The following ABCF1 variants were observed in gnomAD, a reference collection of about 807,000 sequenced individuals.
ABCF1 encodes the protein ATP binding cassette subfamily F member 1, also known as ATP-binding cassette sub-family F member 1.
Under a neutral mutation model 126.3 loss-of-function variants are expected in ABCF1, and 73 were observed. That is an observed-to-expected ratio of 0.58 (90% CI 0.48 to 0.70). The LOEUF is 0.70. Ranked by LOEUF, ABCF1 falls within the 30% of genes least tolerant of loss-of-function variation. The pLI, the probability that ABCF1 is intolerant of heterozygous loss-of-function variation, is 0.00. For missense variants in ABCF1, 786 were observed against 1,057.5 expected, an observed-to-expected ratio of 0.74 and a Z score of 3.56; for synonymous variants, 345 against 396.4, an observed-to-expected ratio of 0.87 and a Z score of 1.54.
rs1023850137 is a variant in ABCF1, at chr6:30,574,601, A to G, written c.74-2808A>G. 6.6e-5 allele frequency among the ~76,000 whole-genome samples: 10 copies of G among 152,224 alleles called. No individual in the cohort carries two copies. Among genetic ancestry groups the G allele is most frequent in the African/African-American group, 2.2e-4 (9 of 41,460 alleles). On this transcript the variant is annotated intron_variant, in intron 1 of 24. Transcript: ENST00000326195. This position sits in a 1 kb window ranked among gnomAD's most constrained non-coding sequence, Gnocchi z 4.3. ...CTTCCTCCTAATGCCTTTAGGATTA[A>G]ACTCCTTGGAATAGCATATAAAGCC...
chr6:30,590,285 C>T (rs1269435521), intron 23 of ABCF1, 21 bp from the exon 24 acceptor site: 2 of 1,611,938 alleles, frequency 1.2e-6, no homozygotes, highest in Admixed American at 1.7e-5. Flanking sequence ...AGTGCTCAGT[C>T]ATGGAATTCC....
rs1267500265 is a variant in ABCF1 at position 30,574,457 on chromosome 6, G to A, written c.73+2897G>A. 6.6e-6 allele frequency among the ~76,000 whole-genome samples: 1 copy of A among 152,144 alleles called. No individual in the cohort carries two copies. The highest frequency in any genetic ancestry group is 1.5e-5 in the Non-Finnish European group (1 of 68,024). On this transcript the variant is annotated intron_variant, in intron 1 of 24. Transcript: ENST00000326195. This position sits in a 1 kb window ranked among gnomAD's most constrained non-coding sequence, Gnocchi z 4.3. The stretch of plus-strand genomic sequence containing the variant: ...TGGCCACAAAAGAGATTTAAAGGAA[G>A]GAGAGATGGTATGGCTGTGTTAGTC...
Position 30,585,542 on chromosome 6 carries a change from G to T in ABCF1, c.1476-16G>T, listed in dbSNP as rs769306727. On this transcript the variant is annotated splice_polypyrimidine_tract_variant and intron_variant, in intron 15 of 24. Transcript: ENST00000326195. Reference sequence around the variant, plus strand: ...TTGACCACTGTGACACTTACACCCTGTTCTCTGAAACCCAGCTACCTCCAG... The same window carrying T: ...TTGACCACTGTGACACTTACACCCTTTTCTCTGAAACCCAGCTACCTCCAG... 1 of 1,612,724 alleles carries T rather than the reference G, an allele frequency of 6.2e-7. No homozygotes were observed. The highest frequency in any genetic ancestry group is 8.5e-7 in the Non-Finnish European group (1 of 1,179,976).
chr6:30,580,059 C>T (rs1801727270), intron 7 of ABCF1, 54 bp downstream of exon 7: 2 of 1,581,540 alleles, frequency 1.3e-6, no homozygotes, highest in East Asian at 2.3e-5. Flanking sequence ...TAAAACATTT[C>T]ATCAGGGCTG....
Position 30,584,355 on chromosome 6 carries a change from A to G in ABCF1, c.1242+24A>G. ...AGGTAGAGGAGATGGCGCAGGGGAC[A>G]CGGGCAAAGACTTGGGGGTTCCTGG... On this transcript the variant is annotated intron_variant, in intron 13 of 24. Coordinates refer to ENST00000326195, the MANE Select transcript of ABCF1 (RefSeq NM_001025091.2). This position sits in a 1 kb window ranked among gnomAD's most constrained non-coding sequence, Gnocchi z 4.6. The G allele has an allele frequency of 1.2e-6, 2 of 1,613,084 alleles. No homozygotes were observed. Among genetic ancestry groups the G allele is most frequent in the South Asian group, 1.1e-5 (1 of 91,082 alleles).
intron 1 of ABCF1, among the ~76,000 whole-genome samples, chr6:30,577,145 T>C (rs1582572843): frequency 6.6e-6 from 1 of 152,314 alleles, no homozygotes; most frequent in East Asian, 1.9e-4. Context: ...GAGACCACAT[T>C]TGTCTTGTTC....
At chr6:30,572,697 G>A (rs974386389) in intron 1 of ABCF1, among the ~76,000 whole-genome samples, 7 of 152,068 alleles carry the variant, frequency 4.6e-5, no homozygotes, top group African/African-American at 1.7e-4. Context: ...CACAAGATCT[G>A]GCTATGTTGC....
At chr6:30,582,643 T>G (rs1013692693) in intron 9 of ABCF1, 136 bp downstream of exon 9, 1 of 947,354 alleles carries the variant, frequency 1.1e-6, no homozygotes, top group Non-Finnish European at 1.6e-6. Flanking sequence ...AATAATTGTG[T>G]TCTGTGAACC....
chr6:30,576,006 T>A (rs1801477039), intron 1 of ABCF1, among the ~76,000 whole-genome samples: 1 of 150,562 alleles, frequency 6.6e-6, no homozygotes, highest in Admixed American at 6.6e-5. Flanking sequence ...CCTAGGAATT[T>A]AAGGTTACAG....
Position 30,587,938 on chromosome 6 carries a change from T to C in ABCF1, c.2031+1227T>C, listed in dbSNP as rs1172067181. Among the ~76,000 whole-genome samples the C allele has an allele frequency of 2.6e-5, 4 of 151,696 alleles. No individual in the cohort carries two copies. In the East Asian group the frequency reaches 7.8e-4, roughly 29 times the overall value. Reference sequence around the variant, plus strand: ...ATTTTGTTTTGAGACGGAGTCTCACTGTCGCCCAGCCTGGAGTGCAGTGGT... The same window carrying C: ...ATTTTGTTTTGAGACGGAGTCTCACCGTCGCCCAGCCTGGAGTGCAGTGGT... On this transcript the variant is annotated intron_variant, in intron 20 of 24. Transcript: ENST00000326195.
chr6:30,578,293 G>T, intron 4 of ABCF1, 55 bp from the exon 5 acceptor site: 1 of 1,613,740 alleles, frequency 6.2e-7, no homozygotes, highest in African/African-American at 1.3e-5. Flanking sequence ...GATTCAATTG[G>T]GGGGCCAGAC....
Position 30,571,456 on chromosome 6 carries a change from G to A in ABCF1, c.-32G>A, listed in dbSNP as rs374538729. The A allele has an allele frequency of 1.2e-4, 188 of 1,593,664 alleles. No individual in the cohort carries two copies. The highest frequency in any genetic ancestry group is 1.6e-4 in the Non-Finnish European group (185 of 1,170,792). On this transcript the variant is annotated 5_prime_UTR_variant, in exon 1 of 25. Transcript: ENST00000326195. ...CCGCCGGAAGCGGAAATAGCACCGG[G>A]CGCCGCCACAGTAGCTGTAACTGCC... is the stretch of plus-strand genomic sequence containing the variant.
chr6:30,583,534 C>T lies in ABCF1; in HGVS notation c.916-74C>T. 2 of 1,487,410 alleles carry T rather than the reference C, an allele frequency of 1.3e-6. No homozygotes were observed. Among genetic ancestry groups the T allele is most frequent in the Non-Finnish European group, 1.9e-6 (2 of 1,070,220 alleles). The allele number at this position is 1,487,410 out of a possible 1,614,324, so 92.1% of individuals were successfully genotyped here. On this transcript the variant is annotated intron_variant, in intron 10 of 24. Transcript: ENST00000326195. This position sits in a 1 kb window ranked among gnomAD's most constrained non-coding sequence, Gnocchi z 4.1. ...AGGCTTCCCTGCAGGGAGAAAGTGGCCGCTCCTGTCCCAAAGGGAGAATTT... is the reference window on the plus strand; with the variant it reads ...AGGCTTCCCTGCAGGGAGAAAGTGGTCGCTCCTGTCCCAAAGGGAGAATTT...
At chr6:30,573,121 C>T (rs1294329351) in intron 1 of ABCF1, among the ~76,000 whole-genome samples, 2 of 152,048 alleles carry the variant, frequency 1.3e-5, no homozygotes, top group Non-Finnish European at 2.9e-5. Context: ...GGCGGGGAGA[C>T]CATTTAGGGG....
chr6:30,584,523 C>T lies in ABCF1; in HGVS notation c.1348C>T (p.Gln450Ter), dbSNP rs1332246711. Residue 450 changes from glutamine (Q) to a stop codon, truncating the protein, a stop_gained, in exon 14 of 25, where the codon CAG becomes TAG. Coordinates refer to ENST00000326195, the MANE Select transcript of ABCF1 (RefSeq NM_001025091.2). LOFTEE classifies it high-confidence loss of function. This position sits in a 1 kb window ranked among gnomAD's most constrained non-coding sequence, Gnocchi z 4.6. Reference protein sequence around the residue: ...FDPEMQNRPTQKFSGGWRMRV... With the variant: ...FDPEMQNRPT ...CCCTGAAATGCAGAATCGACCCACA[C>T]AGAAGTTCTCAGGGGGCTGGCGCAT... The T allele has an allele frequency of 6.2e-7, 1 of 1,612,182 alleles. No homozygotes were observed. The highest frequency in any genetic ancestry group is 8.5e-7 in the Non-Finnish European group (1 of 1,179,544).
rs1346951933 is a variant in ABCF1, at chr6:30,583,867, T to C, written c.1079T>C (p.Ile360Thr). Residue 360 changes from isoleucine to threonine, a missense_variant, in exon 12 of 25, where the codon ATT becomes ACT. Physicochemically the swap from Ile to Thr is moderately conservative, Grantham distance 89. Around this residue, in one of 4 missense-constraint regions of ABCF1, gnomAD observed 163 missense variants for 255.3 expected, o/e 0.64. Coordinates refer to ENST00000326195, the MANE Select transcript of ABCF1 (RefSeq NM_001025091.2). The surrounding 1 kb of genome is among the most constrained non-coding windows in gnomAD (Gnocchi z 4.1). ...CGAGCCCTGAGCATCCCTCCCAACA[T>C]TGATGTGTTGCTGTGTGAGCAGGGT... is the stretch of plus-strand genomic sequence containing the variant. The part of the protein sequence containing the change: ...ANRALSIPPN[I>T]DVLLCEQEVV... 1.2e-6 allele frequency: 2 copies of C among 1,613,708 alleles called. No homozygotes were observed. The highest frequency in any genetic ancestry group is 2.7e-5 in the African/African-American group (2 of 74,820).
chr6:30,581,398 C>CTTT (rs71552010), intron 8 of ABCF1, among the ~76,000 whole-genome samples: 992 of 84,760 alleles, frequency 0.012, 15 homozygotes, highest in Middle Eastern at 0.023. Flanking sequence ...GCTTCCTGAT[C>CTTT]TTTTTTTTTT....
chr6:30,585,770 C>A, intron 16 of ABCF1, 88 bp downstream of exon 16: 3 of 1,578,900 alleles, frequency 1.9e-6, no homozygotes, highest in Middle Eastern at 1.7e-4. Flanking sequence ...AAACTGAATC[C>A]TGTCAGAATT....
Position 30,583,260 on chromosome 6 carries a change from G to A in ABCF1, c.915+72G>A. ...CCAGTTCTCTCATCTTCCCTGAGTG[G>A]CTGTGGTGTGTGAATGGGTTAGTTC... On this transcript the variant is annotated intron_variant, in intron 10 of 24. Transcript: ENST00000326195. The surrounding 1 kb of genome is among the most constrained non-coding windows in gnomAD (Gnocchi z 4.1). 6.5e-7 allele frequency: 1 copy of A among 1,543,968 alleles called. No individual in the cohort carries two copies. Among genetic ancestry groups the A allele is most frequent in the South Asian group, 1.2e-5 (1 of 83,320 alleles).
Sources: allele counts gnomAD v4.1 joint callset (sites outside exome capture counted in the v4.1 genomes callset), GRCh38; gene constraint gnomAD v4.1.1; regional missense constraint gnomAD v4.1.1; non-coding constraint Gnocchi (gnomAD v3.1); transcripts MANE v1.5; gene names NCBI Gene and HGNC (gene_info 2026-07-23, HGNC 2026-07-21).